The following SIPA1L2 variants were observed in gnomAD, a reference collection of about 807,000 sequenced individuals.
SIPA1L2 encodes signal-induced proliferation-associated 1-like protein 2.
In SIPA1L2, 56 loss-of-function variants were observed where a neutral mutation model predicts 163.9. The ratio of observed to expected loss-of-function variants is 0.34; its 90% CI spans 0.28 to 0.43. The LOEUF is 0.43. SIPA1L2 is among the 20% of genes least tolerant of loss of function. The probability of loss-of-function intolerance (pLI) is 1.00; values close to 1 mark genes in which losing one functional copy is unlikely to be tolerated. For synonymous variants in SIPA1L2, 877 were observed against 865.7 expected (o/e 1.01, Z -0.23); for missense variants, 1,974 against 2,193.5 (o/e 0.90, Z 2.00).
intron 1 of SIPA1L2, among the ~76,000 whole-genome samples, chr1:232,623,230 C>A (rs1662908819): frequency 6.6e-6 from 1 of 152,196 alleles, no homozygotes; most frequent in South Asian, 2.1e-4. Context: ...ACAGACAGAG[C>A]TAGGCTGTCA....
chr1:232,454,863 C>G (rs1663803748), intron 10 of SIPA1L2, among the ~76,000 whole-genome samples: 1 of 152,212 alleles, frequency 6.6e-6, no homozygotes, highest in South Asian at 2.1e-4. Flanking sequence ...AGAAAAATCA[C>G]TTTTAAATAG....
In SIPA1L2 at chr1:232,596,542, C is replaced by T. The variant is rs1419504708; in HGVS notation, c.-318-22320G>A. Among the ~76,000 whole-genome samples, 3 of 152,114 alleles carry T rather than the reference C, an allele frequency of 2.0e-5. No homozygotes were observed. In the East Asian group the frequency reaches 5.8e-4, roughly 29 times the overall value. On this transcript the variant is annotated intron_variant, in intron 1 of 22. Transcript: ENST00000674635. ...ATTATAAGACATTTAGAATTGCTTA[C>T]AGAAAAATAAACTGTTAAATATTTC... is the stretch of plus-strand genomic sequence containing the variant.
chr1:232,626,384 G>A (rs1423799128), intron 1 of SIPA1L2, among the ~76,000 whole-genome samples: 1 of 151,936 alleles, frequency 6.6e-6, no homozygotes, highest in Admixed American at 6.6e-5. Context: ...ACCCAACTTG[G>A]CTATCTAGTA....
intron 2 of SIPA1L2, among the ~76,000 whole-genome samples, chr1:232,527,001 T>G (rs556222120): frequency 6.6e-6 from 1 of 152,122 alleles, no homozygotes; most frequent in Non-Finnish European, 1.5e-5. Context: ...AGTACCAGAG[T>G]GTCAGTCCAA....
chr1:232,576,853 A>G (rs1660105736), intron 1 of SIPA1L2, among the ~76,000 whole-genome samples: 1 of 152,120 alleles, frequency 6.6e-6, no homozygotes, highest in South Asian at 2.1e-4. Flanking sequence ...CCTTAAGCCA[A>G]AGCCTAGTTC....
At position 232,418,237 on chromosome 1, in the gene SIPA1L2, G is replaced by T. The variant is rs181964662; in HGVS notation, c.4631-2612C>A. On this transcript the variant is annotated intron_variant, in intron 18 of 22. Coordinates refer to ENST00000674635, the MANE Select transcript of SIPA1L2 (RefSeq NM_020808.5). ...AAGAGAAAAATAACACAGTAGACAA[G>T]AGGGGTAAAATGCAATGAGAACAGA... Among the ~76,000 whole-genome samples, 43 of 152,288 alleles carry T rather than the reference G, an allele frequency of 2.8e-4. No homozygotes were observed. In the East Asian group the frequency reaches 6.4e-3, roughly 23 times the overall value.
chr1:232,421,562 C>T (rs1310018166), intron 18 of SIPA1L2, among the ~76,000 whole-genome samples: 1 of 152,192 alleles, frequency 6.6e-6, no homozygotes, highest in Non-Finnish European at 1.5e-5. Context: ...CTGAATAACA[C>T]TGCCTAGTCA....
intron 6 of SIPA1L2, among the ~76,000 whole-genome samples, chr1:232,482,587 T>C (rs951003200): frequency 3.3e-5 from 5 of 152,210 alleles, no homozygotes; most frequent in African/African-American, 1.2e-4. Context: ...CTGGCGTGTG[T>C]AGTGGACAAC....
chr1:232,497,193 C>T (rs766756378), intron 3 of SIPA1L2, among the ~76,000 whole-genome samples: 2 of 152,192 alleles, frequency 1.3e-5, no homozygotes, highest in African/African-American at 4.8e-5. Flanking sequence ...ACAGAGGAGG[C>T]ATGGGAGAAC....
intron 15 of SIPA1L2, among the ~76,000 whole-genome samples, chr1:232,434,239 TAA>T (rs1662418401): frequency 6.6e-6 from 1 of 152,082 alleles, no homozygotes; most frequent in African/African-American, 2.4e-5. Context: ...AGTATAAAAA[TAA>T]GAGTGATATT....
chr1:232,608,294 C>T lies in SIPA1L2; in HGVS notation c.-319+21575G>A, dbSNP rs537727397. On this transcript the variant is annotated intron_variant, in intron 1 of 22. Transcript: ENST00000674635. ...AACTCCTGACTTCAAGTGATCTGCC[C>T]GCCTCAACCTCCCAAAGTACTGGGA... Among the ~76,000 whole-genome samples the T allele has an allele frequency of 6.6e-5, 10 of 152,208 alleles. No homozygotes were observed. The South Asian group carries it at 1.7e-3, about 25-fold the overall frequency.
At chr1:232,503,457 T>G (rs1343051798) in intron 3 of SIPA1L2, among the ~76,000 whole-genome samples, 1 of 152,200 alleles carries the variant, frequency 6.6e-6, no homozygotes, top group African/African-American at 2.4e-5. Flanking sequence ...ATTGACCAGT[T>G]AAGGATCACA....
rs373954528 is a variant in SIPA1L2 at position 232,566,879 on chromosome 1, T to C, written c.-270+7295A>G. Among the ~76,000 whole-genome samples, 11 of 152,362 alleles carry C rather than the reference T, an allele frequency of 7.2e-5. 1 individual carries two copies. Among genetic ancestry groups the C allele is most frequent in the African/African-American group, 2.6e-4 (11 of 41,586 alleles). On this transcript the variant is annotated intron_variant, in intron 2 of 22. Coordinates refer to ENST00000674635, the MANE Select transcript of SIPA1L2 (RefSeq NM_020808.5). ...ACACATTCTTGAAGTCTTATGAGGA[T>C]TCAATTTGGTTTTGCACAATATCAA... is the stretch of plus-strand genomic sequence containing the variant.
At chr1:232,496,964 G>C (rs1044764416) in intron 3 of SIPA1L2, among the ~76,000 whole-genome samples, 2 of 152,148 alleles carry the variant, frequency 1.3e-5, no homozygotes, top group African/African-American at 2.4e-5. Flanking sequence ...AGATCCAAAA[G>C]AATTTCAAAT....
chr1:232,532,056 G>C (rs759050807), intron 2 of SIPA1L2, among the ~76,000 whole-genome samples: 3 of 152,194 alleles, frequency 2.0e-5, no homozygotes, highest in Admixed American at 6.5e-5. Flanking sequence ...ATCTGACTTA[G>C]CCATTCTGTT....
At chr1:232,554,301 G>A (rs1007996963) in intron 2 of SIPA1L2, among the ~76,000 whole-genome samples, 1 of 152,156 alleles carries the variant, frequency 6.6e-6, no homozygotes, top group African/African-American at 2.4e-5. Flanking sequence ...ATCAGTGGCT[G>A]GACAGTCTGA....
At chr1:232,480,139 C>CTGTG (rs150458742) in intron 6 of SIPA1L2, among the ~76,000 whole-genome samples, 10 of 131,148 alleles carry the variant, frequency 7.6e-5, no homozygotes, top group Non-Finnish European at 1.3e-4. Flanking sequence ...CTGGCCGCAT[C>CTGTG]TGTGTGTGTG....
chr1:232,606,176 C>T (rs538725764), intron 1 of SIPA1L2, among the ~76,000 whole-genome samples: 3 of 152,182 alleles, frequency 2.0e-5, no homozygotes, highest in Non-Finnish European at 4.4e-5. Context: ...TTAAAACATG[C>T]TTTCATAAGT....
At chr1:232,604,629 T>G (rs1282704565) in intron 1 of SIPA1L2, among the ~76,000 whole-genome samples, 2 of 152,224 alleles carry the variant, frequency 1.3e-5, no homozygotes, top group Non-Finnish European at 2.9e-5. Flanking sequence ...TGATGTGGCT[T>G]GGATCTGTGT....
Sources: allele counts gnomAD v4.1 joint callset (sites outside exome capture counted in the v4.1 genomes callset), GRCh38; gene constraint gnomAD v4.1.1; transcripts MANE v1.5; gene names NCBI Gene and HGNC (gene_info 2026-07-23, HGNC 2026-07-21).